The following CD36 variants were observed in gnomAD, a reference collection of about 807,000 sequenced individuals.
CD36 encodes the protein platelet glycoprotein 4.
In CD36, 119 loss-of-function variants were observed where a neutral mutation model predicts 55.2. That is an observed-to-expected ratio of 2.15 (90% CI 1.86 to 2.51). CD36 has a LOEUF of 2.51. Ranked by LOEUF, CD36 falls within the 30% of genes most tolerant of loss-of-function variation. The probability of loss-of-function intolerance (pLI) is 0.00; values close to 1 mark genes in which losing one functional copy is unlikely to be tolerated. For missense variants in CD36, 819 were observed against 555.5 expected (o/e 1.47, Z -4.77); for synonymous variants, 186 against 193.6 (o/e 0.96, Z 0.33).
intron 5 of CD36, chr7:80,662,572 A>G (rs982104490): frequency 7.7e-6 from 2 of 260,202 alleles, no homozygotes; most frequent in African/African-American, 2.4e-5. Flanking sequence ...CGCCTTTGGG[A>G]CCAGACTTAT....
chr7:80,669,727 C>T (rs1031144951), intron 8 of CD36, among the ~76,000 whole-genome samples: 3 of 152,122 alleles, frequency 2.0e-5, no homozygotes, highest in Non-Finnish European at 4.4e-5. Context: ...AAACCCCTGA[C>T]CTCAGGTGAT....
chr7:80,672,761 T>C lies in CD36; in HGVS notation c.1126-9T>C. The C allele has an allele frequency of 6.3e-7, 1 of 1,590,092 alleles. No homozygotes were observed. On this transcript the variant is annotated splice_polypyrimidine_tract_variant and intron_variant, in intron 11 of 14. Coordinates refer to ENST00000447544, the MANE Select transcript of CD36 (RefSeq NM_001001548.3). ...AAAGTTGGTAATTATTTAGTTGTTC[T>C]CTTTTTAGATAACTGGATTCACTTT... is the stretch of plus-strand genomic sequence containing the variant.
Position 80,671,836 on chromosome 7 carries a change from C to T in CD36, c.1007-86C>T. 3.3e-6 allele frequency: 4 copies of T among 1,228,268 alleles called. No homozygotes were observed. In the South Asian group the frequency reaches 4.9e-5, roughly 15 times the overall value. 76.1% of individuals were successfully genotyped at this position (1,228,268 alleles called of 1,614,324 possible). On this transcript the variant is annotated intron_variant, in intron 10 of 14. Transcript: ENST00000447544. ...ACCATGTATTTTTTAATGCAAGAAG[C>T]TTTAGTTTTGTGGAAATATTTTTTG... is the stretch of plus-strand genomic sequence containing the variant.
At chr7:80,610,261 T>G (rs2115758142) in intron 1 of CD36, among the ~76,000 whole-genome samples, 1 of 152,322 alleles carries the variant, frequency 6.6e-6, no homozygotes, top group East Asian at 1.9e-4. Flanking sequence ...ACTCTTATTT[T>G]GAGTTTTCCT....
chr7:80,607,435 G>A (rs1353099387), intron 1 of CD36, among the ~76,000 whole-genome samples: 1 of 152,066 alleles, frequency 6.6e-6, no homozygotes, highest in African/African-American at 2.4e-5. Flanking sequence ...TAGGAGAAGT[G>A]GGGATAGTTT....
upstream of CD36, among the ~76,000 whole-genome samples, chr7:80,637,250 A>C (rs1794482788): frequency 6.6e-6 from 1 of 152,044 alleles, no homozygotes; most frequent in African/African-American, 2.4e-5. Context: ...CTATCTACAA[A>C]ATAGATATTC....
chr7:80,647,668 T>A (rs1795274813), intron 3 of CD36, among the ~76,000 whole-genome samples: 1 of 152,076 alleles, frequency 6.6e-6, no homozygotes, highest in African/African-American at 2.4e-5. Flanking sequence ...GGATGGCAAA[T>A]TCAAATGGCT....
rs1333362956 is a variant in CD36, at chr7:80,678,870, A to G, written c.*2487A>G. 6.6e-6 allele frequency: 1 copy of G among 152,126 alleles called. No homozygotes were observed. The highest frequency in any genetic ancestry group is 1.9e-4 in the East Asian group (1 of 5,178). 9.4% of individuals were successfully genotyped at this position (152,126 alleles called of 1,614,324 possible). A position where few individuals can be genotyped will look rare whatever the true frequency, so the allele number is the denominator to read the frequency against. ...AAAAAAAAAACAGTATGCACGTACA[A>G]ATTTCTTAACCTGTTATCAATGTCT... On this transcript the variant is annotated 3_prime_UTR_variant, in exon 15 of 15. Transcript: ENST00000447544.
At chr7:80,650,614 T>C (rs1276119177) in intron 3 of CD36, among the ~76,000 whole-genome samples, 1 of 152,132 alleles carries the variant, frequency 6.6e-6, no homozygotes, top group African/African-American at 2.4e-5. Context: ...TTAAGAAAGC[T>C]ATTGTATACA....
At chr7:80,606,071 G>T (rs1034318646) in intron 1 of CD36, among the ~76,000 whole-genome samples, 2 of 152,074 alleles carry the variant, frequency 1.3e-5, no homozygotes, top group Non-Finnish European at 2.9e-5. Context: ...TCAATAGAGA[G>T]ATTTTATTCA....
At position 80,667,701 on chromosome 7, in the gene CD36, AAAAAAAACAGC is replaced by A. The variant is rs372098935; in HGVS notation, c.748+1218_748+1228del. ...GAAATGATAAACAAAAAAAGCAAAC[AAAAAAAACAGC>A]AAAAACACTGTTGGATTTGCAGGGG... On this transcript the variant is annotated intron_variant, in intron 8 of 14. Coordinates refer to ENST00000447544, the MANE Select transcript of CD36 (RefSeq NM_001001548.3). 3.7e-3 allele frequency among the ~76,000 whole-genome samples: 554 copies of A among 150,824 alleles called. 4 individuals carry two copies. Among genetic ancestry groups the A allele is most frequent in the African/African-American group, 0.013 (523 of 41,104 alleles).
chr7:80,666,691 A>C (rs957732970), intron 8 of CD36, among the ~76,000 whole-genome samples: 3 of 152,238 alleles, frequency 2.0e-5, no homozygotes, highest in Non-Finnish European at 4.4e-5. Context: ...AATCATAAAA[A>C]ATTAGCCCTT....
intron 1 of CD36, among the ~76,000 whole-genome samples, chr7:80,625,369 A>G (rs1196540293): frequency 1.3e-5 from 2 of 152,150 alleles, no homozygotes; most frequent in African/African-American, 2.4e-5. Flanking sequence ...CTATGCCTTA[A>G]CTTTGTTGTG....
chr7:80,616,894 T>C (rs1793196007), intron 1 of CD36, among the ~76,000 whole-genome samples: 1 of 152,208 alleles, frequency 6.6e-6, no homozygotes, highest in Admixed American at 6.5e-5. Flanking sequence ...TTCAGTCTTT[T>C]AAAACAGAAA....
chr7:80,664,262 C>T, intron 6 of CD36, 144 bp from the exon 7 acceptor site: 2 of 605,856 alleles, frequency 3.3e-6, no homozygotes, highest in Non-Finnish European at 6.0e-6. Context: ...ATTTTTAAGG[C>T]CAATAATTTA....
rs779110338 is a variant in CD36, at chr7:80,663,006, A to G, written c.446A>G (p.Tyr149Cys). 9 of 1,612,794 alleles carry G rather than the reference A, an allele frequency of 5.6e-6. No individual in the cohort carries two copies. The Admixed American group carries it at 8.3e-5, about 15-fold the overall frequency. The change falls in exon 6 of 15, where the codon TAT (tyrosine) becomes TGT (cysteine). Residue 149 changes from tyrosine to cysteine, a missense_variant. By Grantham distance (194) the Tyr-to-Cys change is radical. Transcript: ENST00000447544. ...NLAVAAASHI[Y>C]QNQFVQMILN... ...TTTTTGTAGGCTGCATCCCATATCT[A>G]TCAAAATCAATTTGTTCAAATGATC...
At chr7:80,671,881 G>A (rs1188461096) in intron 10 of CD36, 41 bp from the exon 11 acceptor site, 2 of 1,583,588 alleles carry the variant, frequency 1.3e-6, no homozygotes, top group Admixed American at 3.3e-5. Context: ...TGAAATGAAG[G>A]AAGTTATTAA....
intron 1 of CD36, among the ~76,000 whole-genome samples, chr7:80,614,863 T>C (rs1793062649): frequency 6.6e-6 from 1 of 152,216 alleles, no homozygotes; most frequent in Admixed American, 6.5e-5. Flanking sequence ...AAAGAAATGC[T>C]AAGTCCTTTG....
chr7:80,651,479 T>G (rs965658410), intron 3 of CD36, among the ~76,000 whole-genome samples: 1 of 152,208 alleles, frequency 6.6e-6, no homozygotes, highest in Non-Finnish European at 1.5e-5. Context: ...TCTTTGTTCC[T>G]GTTAGAGAAC....
Sources: allele counts gnomAD v4.1 joint callset (sites outside exome capture counted in the v4.1 genomes callset), GRCh38; gene constraint gnomAD v4.1.1; transcripts MANE v1.5; gene names NCBI Gene and HGNC (gene_info 2026-07-23, HGNC 2026-07-21).